The following CTNNA2 variants were observed in gnomAD, a reference collection of about 807,000 sequenced individuals.
The protein encoded by CTNNA2 is catenin alpha 2, also known as catenin alpha-2.
A neutral mutation model predicts 101.0 loss-of-function variants in CTNNA2; 42 were observed. The ratio of observed to expected loss-of-function variants is 0.42; its 90% confidence interval spans 0.32 to 0.54. The LOEUF is 0.54. Ranked by LOEUF, CTNNA2 falls within the 20% of genes least tolerant of loss-of-function variation. CTNNA2 has a pLI of 0.14. For missense variants in CTNNA2, 871 were observed against 1,223.1 expected, an observed-to-expected ratio of 0.71 and a Z score of 4.29; for synonymous variants, 450 against 456.4, an observed-to-expected ratio of 0.99 and a Z score of 0.18.
intron 2 of CTNNA2, among the ~76,000 whole-genome samples, chr2:79,213,926 C>G (rs539607754): frequency 6.6e-6 from 1 of 152,124 alleles, no homozygotes; most frequent in African/African-American, 2.4e-5. Flanking sequence ...CAGCGGCAGC[C>G]GCTGCACGCA....
At chr2:80,412,214 G>C (rs1679647008) in intron 8 of CTNNA2, among the ~76,000 whole-genome samples, 3 of 152,154 alleles carry the variant, frequency 2.0e-5, no homozygotes, top group Non-Finnish European at 1.5e-5. Flanking sequence ...AGGTAAAGGA[G>C]GAATTTGACA....
At chr2:79,446,240 A>G (rs1047888976) in intron 4 of CTNNA2, among the ~76,000 whole-genome samples, 2 of 152,096 alleles carry the variant, frequency 1.3e-5, no homozygotes, top group Admixed American at 6.6e-5. Context: ...AGAAAAAAAA[A>G]AGAACTATTT....
At chr2:80,395,197 A>T (rs563677561) in intron 8 of CTNNA2, among the ~76,000 whole-genome samples, 5 of 152,340 alleles carry the variant, frequency 3.3e-5, no homozygotes, top group African/African-American at 1.2e-4. Flanking sequence ...AGCTCCTTGG[A>T]GAGCTTCCTG....
chr2:80,015,268 G>A (rs1694061076), intron 7 of CTNNA2, among the ~76,000 whole-genome samples: 1 of 152,034 alleles, frequency 6.6e-6, no homozygotes, highest in Non-Finnish European at 1.5e-5. Context: ...CTTTTGGCCT[G>A]CTTGTGTACC....
chr2:80,193,847 T>C (rs1022936511), intron 7 of CTNNA2, among the ~76,000 whole-genome samples: 2 of 152,188 alleles, frequency 1.3e-5, no homozygotes, highest in Non-Finnish European at 2.9e-5. Context: ...CTGAAAGTCA[T>C]GTCTGGCCAT....
chr2:80,624,410 C>T (rs539741039), intron 18 of CTNNA2, among the ~76,000 whole-genome samples: 5 of 151,574 alleles, frequency 3.3e-5, no homozygotes, highest in East Asian at 1.9e-4. Context: ...TTCTTTTTTT[C>T]GTGAACAACA....
intron 7 of CTNNA2, among the ~76,000 whole-genome samples, chr2:80,108,464 C>T (rs1411696663): frequency 6.6e-6 from 1 of 152,146 alleles, no homozygotes; most frequent in Non-Finnish European, 1.5e-5. Context: ...ATGCTGCCAC[C>T]CCTGTCTCCC....
chr2:79,495,796 A>C (rs1047159922), intron 4 of CTNNA2, among the ~76,000 whole-genome samples: 2 of 152,242 alleles, frequency 1.3e-5, no homozygotes, highest in African/African-American at 4.8e-5. Context: ...GTACCGATAC[A>C]TGATACAGTA....
intron 9 of CTNNA2, among the ~76,000 whole-genome samples, chr2:80,511,049 T>C (rs771215619): frequency 7.2e-5 from 11 of 152,326 alleles, no homozygotes; most frequent in Non-Finnish European, 1.3e-4. Flanking sequence ...TACAAAACAA[T>C]TGCAAAGAAT....
intron 2 of CTNNA2, among the ~76,000 whole-genome samples, chr2:79,279,780 G>C (rs1385032961): frequency 6.6e-6 from 1 of 152,080 alleles, no homozygotes; most frequent in Admixed American, 6.6e-5. Flanking sequence ...TTCCAAATGT[G>C]TAGGAATTAT....
intron 7 of CTNNA2, among the ~76,000 whole-genome samples, chr2:80,306,450 T>C (rs13432673): frequency 0.013 from 1,655 of 124,678 alleles, 32 homozygotes; most frequent in African/African-American, 0.042. Flanking sequence ...CTTTCTTTCT[T>C]TCTCTCTCTC....
chr2:79,734,498 G>A (rs1573824669), intron 2 of CTNNA2, among the ~76,000 whole-genome samples: 1 of 152,024 alleles, frequency 6.6e-6, no homozygotes, highest in Non-Finnish European at 1.5e-5. Flanking sequence ...TTTTGTATAT[G>A]TTAAACTGTG....
chr2:79,285,541 A>C lies in CTNNA2; in HGVS notation c.-405-27168A>C, dbSNP rs201131777. ...GTAGTCATTCAGGAGCAGGTTGTTC[A>C]GTTTCCATGTAGTTGAGCGGTTTTG... On this transcript the variant is annotated intron_variant, in intron 2 of 21. Coordinates refer to the CTNNA2 transcript ENST00000466387. Among the ~76,000 whole-genome samples, 347 of 137,220 alleles carry C rather than the reference A, an allele frequency of 2.5e-3. 6 individuals carry two copies. The East Asian group carries it at 0.06, about 24-fold the overall frequency. 90.0% of individuals were successfully genotyped at this position (137,220 alleles called of 152,430 possible).
At position 79,925,116 on chromosome 2, in the gene CTNNA2, A is replaced by T. The variant is rs563230597; in HGVS notation, c.1056+15319A>T. The stretch of plus-strand genomic sequence containing the variant: ...TAAGTATCTCTCCCAGTATATTTAG[A>T]ACCACAAGATCCTTGTAAATGGATT... On this transcript the variant is annotated intron_variant, in intron 7 of 18. Transcript: ENST00000402739. 3.3e-5 allele frequency among the ~76,000 whole-genome samples: 5 copies of T among 152,174 alleles called. No homozygotes were observed. In the South Asian group the frequency reaches 1.0e-3, roughly 32 times the overall value.
At chr2:80,035,545 A>C (rs569115502) in intron 7 of CTNNA2, among the ~76,000 whole-genome samples, 2 of 152,192 alleles carry the variant, frequency 1.3e-5, no homozygotes, top group Admixed American at 1.3e-4. Context: ...TAGTTCACCC[A>C]GTGTATTTGT....
intron 3 of CTNNA2, among the ~76,000 whole-genome samples, chr2:79,851,638 G>A (rs1356060319): frequency 1.3e-5 from 2 of 151,912 alleles, no homozygotes; most frequent in Admixed American, 1.3e-4. Context: ...GGCAGGTGTC[G>A]GTTATCATGA....
intron 4 of CTNNA2, among the ~76,000 whole-genome samples, chr2:79,491,427 T>G (rs940892249): frequency 2.0e-4 from 30 of 152,164 alleles, no homozygotes; most frequent in African/African-American, 6.8e-4. Context: ...CAAGGAGATT[T>G]AGATTTAAAT....
chr2:80,279,836 A>G (rs58666913), intron 7 of CTNNA2, among the ~76,000 whole-genome samples: 3,542 of 152,134 alleles, frequency 0.023, 49 homozygotes, highest in East Asian at 0.06. Context: ...TGATTGTCTC[A>G]CCCTGAGGTG....
intron 2 of CTNNA2, among the ~76,000 whole-genome samples, chr2:79,685,898 T>C (rs1453353407): frequency 6.6e-6 from 1 of 152,062 alleles, no homozygotes; most frequent in African/African-American, 2.4e-5. Flanking sequence ...TGTAATGCAG[T>C]GTTGGAAATA....
Sources: gnomAD v4.1 joint callset for allele counts (sites outside exome capture counted in the v4.1 genomes callset) on GRCh38, gnomAD v4.1.1 for gene constraint, MANE v1.5 for transcripts, NCBI Gene and HGNC (gene_info 2026-07-23, HGNC 2026-07-21) for gene names.